PAN3: variants seen among roughly 807,000 people sequenced by gnomAD.
The protein encoded by PAN3 is PAN2-PAN3 deadenylation complex subunit PAN3.
In PAN3, 19 loss-of-function variants were observed where a neutral mutation model predicts 96.2. That is an observed-to-expected ratio of 0.20 (90% CI 0.14 to 0.29). The LOEUF is 0.29. Ranked by LOEUF, PAN3 falls within the 10% of genes least tolerant of loss-of-function variation. PAN3 has a pLI of 1.00. For synonymous variants in PAN3, 433 were observed against 406.6 expected (o/e 1.06, Z -0.78); for missense variants, 882 against 1,108.1 (o/e 0.80, Z 2.90).
intron 6 of PAN3, among the ~76,000 whole-genome samples, chr13:28,242,975 G>C (rs750725350): frequency 6.6e-5 from 10 of 152,120 alleles, no homozygotes; most frequent in Non-Finnish European, 1.3e-4. Context: ...CTTTTAAATG[G>C]ATTATTTCTG....
chr13:28,257,753 T>TATATA (rs1566235195), intron 7 of PAN3, among the ~76,000 whole-genome samples: 5 of 137,812 alleles, frequency 3.6e-5, no homozygotes, highest in African/African-American at 1.4e-4. Context: ...ATATAATATA[T>TATATA]AATTAATTAT....
rs1869983400 is a variant in PAN3 at position 28,293,369 on chromosome 13, G to C, written c.*847G>C. 1.1e-5 allele frequency: 1 copy of C among 91,084 alleles called. No homozygotes were observed. Among genetic ancestry groups the C allele is most frequent in the Admixed American group, 1.3e-4 (1 of 7,848 alleles). The allele number at this position is 91,084 out of a possible 1,614,324, so 5.6% of individuals were successfully genotyped here. A position where few individuals can be genotyped will look rare whatever the true frequency, so the allele number is the denominator to read the frequency against. ...AAAGTTCAGGAGTGTATTACTTTAG[G>C]TTCTTTCCAGTTTGCTGGTTTTTTT... On this transcript the variant is annotated 3_prime_UTR_variant, in exon 19 of 19. Transcript: ENST00000380958.
At chr13:28,283,813 G>A (rs990433436) in intron 17 of PAN3, among the ~76,000 whole-genome samples, 1 of 152,188 alleles carries the variant, frequency 6.6e-6, no homozygotes, top group Non-Finnish European at 1.5e-5. Context: ...ATAAGTATAT[G>A]ATCCAGGACT....
chr13:28,213,624 C>T (rs1880329749), intron 5 of PAN3, among the ~76,000 whole-genome samples: 1 of 150,228 alleles, frequency 6.7e-6, no homozygotes, highest in Non-Finnish European at 1.5e-5. Flanking sequence ...AAGATGTTAC[C>T]TGCCATCAAA....
intron 1 of PAN3, among the ~76,000 whole-genome samples, chr13:28,141,462 C>CTTTTTTTTTTTT (rs759736683): frequency 8.9e-5 from 8 of 90,350 alleles, no homozygotes; most frequent in African/African-American, 1.3e-4. Context: ...TTCTTTTTTT[C>CTTTTTTTTTTTT]TTTTTTTTTT....
intron 4 of PAN3, among the ~76,000 whole-genome samples, chr13:28,194,467 T>TATA (rs1491280126): frequency 0.085 from 8,334 of 97,712 alleles, 151 homozygotes; most frequent in East Asian, 0.2. Context: ...TATATATATA[T>TATA]TTTTTTTTTT....
At chr13:28,288,942 T>C (rs1869342358) in intron 18 of PAN3, among the ~76,000 whole-genome samples, 1 of 150,214 alleles carries the variant, frequency 6.7e-6, no homozygotes, top group African/African-American at 2.5e-5. Flanking sequence ...TTCTCCTGCC[T>C]CAGCCTCCCA....
intron 6 of PAN3, among the ~76,000 whole-genome samples, chr13:28,249,943 C>G (rs1055983690): frequency 6.6e-6 from 1 of 152,172 alleles, no homozygotes; most frequent in Non-Finnish European, 1.5e-5. Context: ...ATAGTTCTTT[C>G]ACCATGGAGA....
intron 7 of PAN3, among the ~76,000 whole-genome samples, chr13:28,259,963 T>C (rs1330966301): frequency 1.3e-5 from 2 of 152,200 alleles, no homozygotes; most frequent in African/African-American, 4.8e-5. Flanking sequence ...ATATGAATTC[T>C]TTCAGAAAGT....
At chr13:28,167,768 C>G (rs531549916) in intron 1 of PAN3, among the ~76,000 whole-genome samples, 2 of 152,010 alleles carry the variant, frequency 1.3e-5, no homozygotes, top group African/African-American at 4.8e-5. Flanking sequence ...TCCTTGAACC[C>G]GGGAGTCCGA....
intron 5 of PAN3, among the ~76,000 whole-genome samples, chr13:28,203,438 G>T (rs1035616061): frequency 8.5e-5 from 13 of 152,182 alleles, no homozygotes; most frequent in South Asian, 2.1e-4. Context: ...CAAGTAGCTG[G>T]GACTACAGGT....
At chr13:28,263,985 A>G (rs1381747802) in intron 9 of PAN3, among the ~76,000 whole-genome samples, 3 of 152,064 alleles carry the variant, frequency 2.0e-5, no homozygotes, top group Non-Finnish European at 2.9e-5. Context: ...CCCGCGTAAC[A>G]TTTGTTTGCA....
intron 1 of PAN3, among the ~76,000 whole-genome samples, chr13:28,148,487 A>C (rs1593357817): frequency 6.6e-6 from 1 of 152,340 alleles, no homozygotes; most frequent in Middle Eastern, 3.4e-3. Flanking sequence ...GTGTCAGAAA[A>C]ATAAGAACAA....
intron 5 of PAN3, among the ~76,000 whole-genome samples, chr13:28,219,444 G>A (rs1593498747): frequency 6.6e-6 from 1 of 152,152 alleles, no homozygotes; most frequent in South Asian, 2.1e-4. Flanking sequence ...AAATTAAATA[G>A]GGAAGTTGTT....
intron 1 of PAN3, among the ~76,000 whole-genome samples, chr13:28,159,358 A>G (rs989844980): frequency 6.6e-6 from 1 of 152,194 alleles, no homozygotes; most frequent in African/African-American, 2.4e-5. Flanking sequence ...GTAGCAGAAA[A>G]CCAAATACCA....
At chr13:28,169,291 G>A (rs186142389) in intron 1 of PAN3, among the ~76,000 whole-genome samples, 5 of 136,056 alleles carry the variant, frequency 3.7e-5, no homozygotes, top group African/African-American at 1.1e-4. Context: ...GTGCAGTGGC[G>A]CAATCTTGGC....
At chr13:28,197,424 G>A in intron 5 of PAN3, 78 bp downstream of exon 5, 1 of 1,394,948 alleles carries the variant, frequency 7.2e-7, no homozygotes, top group Non-Finnish European at 9.7e-7. Context: ...GGTGGTGGTT[G>A]TGAAAGGATT....
At chr13:28,245,236 A>T (rs1369723171) in intron 6 of PAN3, among the ~76,000 whole-genome samples, 1 of 152,194 alleles carries the variant, frequency 6.6e-6, no homozygotes, top group Non-Finnish European at 1.5e-5. Flanking sequence ...TGACATCTTT[A>T]TAACAAATGA....
intron 6 of PAN3, among the ~76,000 whole-genome samples, chr13:28,255,276 CT>C (rs990298938): frequency 1.3e-5 from 2 of 152,126 alleles, no homozygotes; most frequent in Non-Finnish European, 2.9e-5. Context: ...TCTAAATACC[CT>C]TTTCAGTCTG....
Sources: gnomAD v4.1 joint callset for allele counts (sites outside exome capture counted in the v4.1 genomes callset) on GRCh38, gnomAD v4.1.1 for gene constraint, MANE v1.5 for transcripts, NCBI Gene and HGNC (gene_info 2026-07-23, HGNC 2026-07-21) for gene names.